The following PCDHGB7 variants were observed in gnomAD, a reference collection of about 807,000 sequenced individuals.
PCDHGB7 encodes the protein protocadherin gamma subfamily B, 7.
Under a neutral mutation model 61.4 loss-of-function variants are expected in PCDHGB7, and 37 were observed. That is an observed-to-expected ratio of 0.60 (90% CI 0.46 to 0.79). The LOEUF (loss-of-function observed/expected upper bound fraction) is 0.79. Ranked by LOEUF, PCDHGB7 falls within the 30% of genes least tolerant of loss-of-function variation. The probability of loss-of-function intolerance (pLI) is 0.00; values close to 1 mark genes in which losing one functional copy is unlikely to be tolerated. For synonymous variants in PCDHGB7, 464 were observed against 503.5 expected (o/e 0.92, Z 1.05); for missense variants, 1,166 against 1,202.5 (o/e 0.97, Z 0.45).
rs1177043977 is a variant in PCDHGB7, at chr5:141,491,919, C to G, written c.2416-2888C>G. On this transcript the variant is annotated intron_variant, in intron 1 of 3. Coordinates refer to ENST00000398594, the MANE Select transcript of PCDHGB7 (RefSeq NM_018927.4). The surrounding 1 kb of genome is among the most constrained non-coding windows in gnomAD (Gnocchi z 6.9). ...CACCGGGGGTGGTGGCGACTGTGGG[C>G]GAGGGGAGGTGGGACCGACCCCCAC... 5 of 1,361,900 alleles carry G rather than the reference C, an allele frequency of 3.7e-6. No homozygotes were observed. The South Asian group carries it at 7.8e-5, about 21-fold the overall frequency. The allele number at this position is 1,361,900 out of a possible 1,614,324, so 84.4% of individuals were successfully genotyped here. A position where few individuals can be genotyped will look rare whatever the true frequency, so the allele number is the denominator to read the frequency against.
At position 141,485,437 on chromosome 5, in the gene PCDHGB7, C is replaced by A. The variant is rs2099613420; in HGVS notation, c.2416-9370C>A. The A allele has an allele frequency of 6.2e-7, 1 of 1,614,174 alleles. No individual in the cohort carries two copies. Among genetic ancestry groups the A allele is most frequent in the Non-Finnish European group, 8.5e-7 (1 of 1,180,028 alleles). On this transcript the variant is annotated intron_variant, in intron 1 of 3. Transcript: ENST00000398594. The surrounding 1 kb of genome is among the most constrained non-coding windows in gnomAD (Gnocchi z 5.7). ...ACAGCGGAGCCCTGCTCATCAAGAA[C>A]CCAATCGACCGAGAGGCACTGTGTG...
At position 141,485,162 on chromosome 5, in the gene PCDHGB7, C is replaced by A. The variant is rs759021453; in HGVS notation, c.2416-9645C>A. The A allele has an allele frequency of 8.7e-6, 14 of 1,602,188 alleles. No individual in the cohort carries two copies. The Admixed American group carries it at 2.0e-4, about 23-fold the overall frequency. ...GTCTCAGGAGCAAGTAGAGAATTAGCGGGCGGCAGCAATGCTCCGCAAGGT... is the reference window on the plus strand; with the variant it reads ...GTCTCAGGAGCAAGTAGAGAATTAGAGGGCGGCAGCAATGCTCCGCAAGGT... On this transcript the variant is annotated intron_variant, in intron 1 of 3. Transcript: ENST00000398594. The surrounding 1 kb of genome is among the most constrained non-coding windows in gnomAD (Gnocchi z 5.7).
intron 1 of PCDHGB7, chr5:141,422,273 C>T: frequency 6.4e-7 from 1 of 1,560,808 alleles, no homozygotes; most frequent in Non-Finnish European, 8.6e-7. Flanking sequence ...CCAGAAATAA[C>T]TATCACCTCT....
intron 1 of PCDHGB7, chr5:141,427,595 C>A: frequency 1.5e-6 from 1 of 681,870 alleles, no homozygotes; most frequent in Non-Finnish European, 2.7e-6. Flanking sequence ...CAAGCCTCAC[C>A]CTACGCATTG....
Position 141,419,475 on chromosome 5 carries a change from C to G in PCDHGB7, c.1616C>G (p.Ser539Trp), listed in dbSNP as rs775720158. 1.2e-6 allele frequency: 2 copies of G among 1,612,266 alleles called. No homozygotes were observed. Among genetic ancestry groups the G allele is most frequent in the Admixed American group, 1.7e-5 (1 of 59,952 alleles). The change falls in exon 1 of 4, where the codon TCG becomes TGG. Residue 539 changes from serine (S) to tryptophan (W), a missense_variant. Ser to Trp is a radical substitution (Grantham distance 177, BLOSUM62 -3). Coordinates refer to ENST00000398594, the MANE Select transcript of PCDHGB7 (RefSeq NM_018927.4). Reference protein sequence around the residue: ...ELTLQARDQGSPALSANVSLR... With the variant: ...ELTLQARDQGWPALSANVSLR... ...ACGCTGCAGGCCCGCGACCAGGGCT[C>G]GCCCGCGCTCAGCGCCAATGTGAGC... is the stretch of plus-strand genomic sequence containing the variant.
chr5:141,508,269 C>T (rs1459186158), intron 3 of PCDHGB7: 1 of 152,186 alleles, frequency 6.6e-6, no homozygotes, highest in East Asian at 1.9e-4. Flanking sequence ...GAGAAAATCC[C>T]GGTCCTTGAC....
chr5:141,425,530 A>G (rs1485711838), intron 1 of PCDHGB7, among the ~76,000 whole-genome samples: 1 of 152,246 alleles, frequency 6.6e-6, no homozygotes, highest in Non-Finnish European at 1.5e-5. Flanking sequence ...ACATGAAACA[A>G]TAATCCTTTT....
rs2096459407 is a variant in PCDHGB7 at position 141,420,024 on chromosome 5, C to T, written c.2165C>T (p.Thr722Ile). The T allele has an allele frequency of 6.2e-7, 1 of 1,614,088 alleles. No homozygotes were observed. Among genetic ancestry groups the T allele is most frequent in the Non-Finnish European group, 8.5e-7 (1 of 1,179,904 alleles). Residue 722 changes from threonine (T) to isoleucine (I), a missense_variant, in exon 1 of 4, where the codon ACT (threonine) becomes ATT (isoleucine). By Grantham distance (89) the Thr-to-Ile change is moderately conservative. Transcript: ENST00000398594. ...CGCCTGCGACAGTCTTTCAGCCCTA[C>T]TGCAGGAGACTGCTTTGAGTCAGTT... ...ALRLRQSFSP[T>I]AGDCFESVLC...
intron 1 of PCDHGB7, among the ~76,000 whole-genome samples, chr5:141,488,553 T>C (rs2099676887): frequency 6.6e-6 from 1 of 152,166 alleles, no homozygotes; most frequent in South Asian, 2.1e-4. Flanking sequence ...TCAGCTGACA[T>C]TGAGATTTCC....
At chr5:141,500,877 A>C (rs2099803156) in intron 2 of PCDHGB7, among the ~76,000 whole-genome samples, 1 of 122,292 alleles carries the variant, frequency 8.2e-6, no homozygotes, top group African/African-American at 3.9e-5. Flanking sequence ...TTCATTTACA[A>C]TTTTTTTTTT....
chr5:141,445,129 A>G (rs1405841381), intron 1 of PCDHGB7, among the ~76,000 whole-genome samples: 3 of 152,226 alleles, frequency 2.0e-5, no homozygotes, highest in Non-Finnish European at 4.4e-5. Context: ...TATTTTTAAA[A>G]TTGTATCTTC....
Position 141,485,151 on chromosome 5 carries a change from T to C in PCDHGB7, c.2416-9656T>C, listed in dbSNP as rs1191585056. 1.0e-5 allele frequency: 16 copies of C among 1,584,876 alleles called. No homozygotes were observed. Among genetic ancestry groups the C allele is most frequent in the Non-Finnish European group, 1.3e-5 (15 of 1,156,528 alleles). On this transcript the variant is annotated intron_variant, in intron 1 of 3. Coordinates refer to ENST00000398594, the MANE Select transcript of PCDHGB7 (RefSeq NM_018927.4). This position sits in a 1 kb window ranked among gnomAD's most constrained non-coding sequence, Gnocchi z 5.7. ...GCTTCATCCGCGTCTCAGGAGCAAG[T>C]AGAGAATTAGCGGGCGGCAGCAATG...
chr5:141,501,693 G>T (rs1417828433), intron 2 of PCDHGB7, among the ~76,000 whole-genome samples: 1 of 152,028 alleles, frequency 6.6e-6, no homozygotes, highest in Non-Finnish European at 1.5e-5. Context: ...TATCTGCAGG[G>T]TGATTCCGAG....
At chr5:141,422,149 C>G in intron 1 of PCDHGB7, 1 of 1,577,238 alleles carries the variant, frequency 6.3e-7, no homozygotes. Context: ...ACGGGGGTCT[C>G]TGGATTTTGA....
chr5:141,428,067 G>GC, intron 1 of PCDHGB7: 2 of 1,609,228 alleles, frequency 1.2e-6, no homozygotes, highest in Non-Finnish European at 1.7e-6. Context: ...GGTGGACGCA[G>GC]ATTCGGGACA....
At chr5:141,478,500 T>C (rs754881921) in intron 1 of PCDHGB7, 16 of 1,612,740 alleles carry the variant, frequency 9.9e-6, no homozygotes, top group Non-Finnish European at 1.4e-5. Context: ...TGTGATCCGG[T>C]GTTCTATAGG....
intron 2 of PCDHGB7, among the ~76,000 whole-genome samples, chr5:141,497,832 G>A (rs1326640712): frequency 1.3e-5 from 2 of 151,992 alleles, no homozygotes; most frequent in Non-Finnish European, 2.9e-5. Context: ...GATCGCCCCC[G>A]GCCACAACAA....
At chr5:141,448,984 A>C (rs2098621334) in intron 1 of PCDHGB7, among the ~76,000 whole-genome samples, 1 of 152,086 alleles carries the variant, frequency 6.6e-6, no homozygotes, top group Non-Finnish European at 1.5e-5. Context: ...CTTCCATATT[A>C]ATATATAGAA....
chr5:141,455,502 A>G (rs888549465), intron 1 of PCDHGB7, among the ~76,000 whole-genome samples: 12 of 152,206 alleles, frequency 7.9e-5, no homozygotes, highest in African/African-American at 2.7e-4. Flanking sequence ...TCTGATTTGC[A>G]TAGGGCTCAG....
Sources: allele counts gnomAD v4.1 joint callset (sites outside exome capture counted in the v4.1 genomes callset), GRCh38; gene constraint gnomAD v4.1.1; non-coding constraint Gnocchi (gnomAD v3.1); transcripts MANE v1.5; gene names NCBI Gene and HGNC (gene_info 2026-07-23, HGNC 2026-07-21).